TMEM181: variants seen among roughly 807,000 people sequenced by gnomAD.
The protein encoded by TMEM181 is G protein-coupled receptor 178.
In TMEM181, 39 loss-of-function variants were observed where a neutral mutation model predicts 71.9. The observed-to-expected ratio is 0.54, with a 90% confidence interval of 0.42 to 0.71. The LOEUF is 0.71. Ranked by LOEUF, TMEM181 falls within the 30% of genes least tolerant of loss-of-function variation. The pLI, the probability that TMEM181 is intolerant of heterozygous loss-of-function variation, is 0.00. For missense variants in TMEM181, 595 were observed against 583.0 expected, an observed-to-expected ratio of 1.02 and a Z score of -0.21; for synonymous variants, 245 against 228.8, an observed-to-expected ratio of 1.07 and a Z score of -0.64.
chr6:158,626,478 G>T (rs1346644690), intron 13 of TMEM181: 2 of 456,500 alleles, frequency 4.4e-6, no homozygotes, highest in African/African-American at 4.0e-5. Flanking sequence ...TCCTTTATGA[G>T]TGACAAGGGG....
chr6:158,553,847 T>C (rs986556486), intron 1 of TMEM181, among the ~76,000 whole-genome samples: 3 of 152,228 alleles, frequency 2.0e-5, no homozygotes, highest in Admixed American at 6.5e-5. Flanking sequence ...AAACTGTGAC[T>C]GGGTGAAACA....
At chr6:158,547,866 A>G (rs1781583650) in intron 1 of TMEM181, among the ~76,000 whole-genome samples, 5 of 141,986 alleles carry the variant, frequency 3.5e-5, no homozygotes, top group East Asian at 2.1e-4. Flanking sequence ...CGGCCTGGGC[A>G]ACAAGAGCAA....
intron 10 of TMEM181, chr6:158,610,266 C>A: frequency 3.6e-6 from 1 of 275,220 alleles, no homozygotes. Context: ...TTTCCTGACT[C>A]TTATTGTAGT....
chr6:158,611,323 A>T (rs1275727067), intron 10 of TMEM181: 1 of 510,616 alleles, frequency 2.0e-6, no homozygotes, highest in Non-Finnish European at 4.0e-6. Context: ...ACACTCTGCT[A>T]TGCTTGGTTT....
intron 6 of TMEM181, among the ~76,000 whole-genome samples, chr6:158,598,766 C>T (rs1281433047): frequency 1.3e-5 from 2 of 151,798 alleles, no homozygotes; most frequent in Non-Finnish European, 2.9e-5. Flanking sequence ...CTCTGCCTCC[C>T]GGGTTCAGGC....
intron 1 of TMEM181, among the ~76,000 whole-genome samples, chr6:158,537,055 A>G (rs1057310741): frequency 1.3e-5 from 2 of 151,854 alleles, no homozygotes; most frequent in Non-Finnish European, 2.9e-5. Flanking sequence ...GACGGGGAGC[A>G]GGGATACTGG....
intron 1 of TMEM181, among the ~76,000 whole-genome samples, chr6:158,572,624 A>G (rs911750571): frequency 1.3e-5 from 2 of 152,160 alleles, no homozygotes; most frequent in Non-Finnish European, 2.9e-5. Flanking sequence ...AAAGCCTCAC[A>G]TGTACTACCT....
rs79548178 is a variant in TMEM181, at chr6:158,539,419, C to T, written c.131+2554C>T. On this transcript the variant is annotated intron_variant, in intron 1 of 16. Coordinates refer to the TMEM181 transcript ENST00000367090. Reference sequence around the variant, plus strand: ...CTGCTAGTTACAGCTCCGCATCTGTCTAGCTGGAAGGTGAAATTGCTACTG... The same window carrying T: ...CTGCTAGTTACAGCTCCGCATCTGTTTAGCTGGAAGGTGAAATTGCTACTG... 2.7e-3 allele frequency among the ~76,000 whole-genome samples: 409 copies of T among 152,312 alleles called. 1 individual carries two copies. The highest frequency in any genetic ancestry group is 9.4e-3 in the African/African-American group (391 of 41,564).
At position 158,580,611 on chromosome 6, in the gene TMEM181, A is replaced by G. The variant is rs537865209; in HGVS notation, c.113-329A>G. On this transcript the variant is annotated intron_variant, in intron 2 of 16. Transcript: ENST00000684151. Reference sequence around the variant, plus strand: ...ACAGAATATATAAGACAGAGTCTCTATAGTTAATGCCTTCTTGGGCCCATG... The same window carrying G: ...ACAGAATATATAAGACAGAGTCTCTGTAGTTAATGCCTTCTTGGGCCCATG... 2.4e-4 allele frequency among the ~76,000 whole-genome samples: 36 copies of G among 152,344 alleles called. 1 individual carries two copies. In the South Asian group the frequency reaches 5.2e-3, roughly 22 times the overall value.
upstream of TMEM181, among the ~76,000 whole-genome samples, chr6:158,555,629 T>A (rs1453348110): frequency 6.6e-6 from 1 of 152,254 alleles, no homozygotes. Context: ...CATGATGTAA[T>A]TTGTCTATTA....
chr6:158,629,562 C>CT (rs60052779), intron 14 of TMEM181, among the ~76,000 whole-genome samples, 168 bp from the exon 15 acceptor site: 6,643 of 152,152 alleles, frequency 0.044, 330 homozygotes, highest in African/African-American at 0.12. Flanking sequence ...TGACCCCTGG[C>CT]TGTGGGCTTG....
intron 1 of TMEM181, among the ~76,000 whole-genome samples, chr6:158,539,783 G>C (rs1449377418): frequency 6.6e-6 from 1 of 152,208 alleles, no homozygotes; most frequent in Non-Finnish European, 1.5e-5. Flanking sequence ...AAAACAATAG[G>C]CCAGGGATCT....
chr6:158,576,123 G>A (rs1174922074), intron 2 of TMEM181, among the ~76,000 whole-genome samples: 2 of 152,164 alleles, frequency 1.3e-5, no homozygotes, highest in Non-Finnish European at 2.9e-5. Flanking sequence ...TAACTGTTCT[G>A]GAACTCCAGA....
chr6:158,623,467 A>G, intron 10 of TMEM181, 83 bp from the exon 11 acceptor site: 1 of 1,016,824 alleles, frequency 9.8e-7, no homozygotes, highest in East Asian at 2.8e-5. Context: ...AAGTAAAAAA[A>G]ACAAAAAGTC....
rs1446632776 is a variant in TMEM181 at position 158,620,300 on chromosome 6, C to G, written c.897-3250C>G. Among the ~76,000 whole-genome samples the G allele has an allele frequency of 6.6e-6, 1 of 152,118 alleles. No individual in the cohort carries two copies. Among genetic ancestry groups the G allele is most frequent in the Non-Finnish European group, 1.5e-5 (1 of 68,028 alleles). Reference sequence around the variant, plus strand: ...AGAGGACAGTTAAGCTGAGAAGAAACTGGGCGCCCCCAAGATGTCCTCTAG... The same window carrying G: ...AGAGGACAGTTAAGCTGAGAAGAAAGTGGGCGCCCCCAAGATGTCCTCTAG... On this transcript the variant is annotated intron_variant, in intron 10 of 16. Coordinates refer to ENST00000684151, the MANE Select transcript of TMEM181 (RefSeq NM_001376852.1). The surrounding 1 kb of genome is among the most constrained non-coding windows in gnomAD (Gnocchi z 4.5).
At chr6:158,537,426 G>C (rs915439221) in intron 1 of TMEM181, among the ~76,000 whole-genome samples, 1 of 152,228 alleles carries the variant, frequency 6.6e-6, no homozygotes, top group Non-Finnish European at 1.5e-5. Context: ...GCGGGGACAC[G>C]GCGCCTGGGA....
intron 10 of TMEM181, chr6:158,609,779 G>A: frequency 3.9e-6 from 1 of 254,112 alleles, no homozygotes; most frequent in Non-Finnish European, 8.5e-6. Context: ...TTTGACTCTG[G>A]CAGTCTCCAG....
intron 1 of TMEM181, among the ~76,000 whole-genome samples, chr6:158,569,276 C>T (rs1450377541): frequency 6.6e-6 from 1 of 152,218 alleles, no homozygotes; most frequent in East Asian, 1.9e-4. Context: ...GTCCCAGGAC[C>T]CTAGGCCCTC....
chr6:158,606,139 A>G (rs964283447), intron 7 of TMEM181, among the ~76,000 whole-genome samples: 5 of 151,938 alleles, frequency 3.3e-5, no homozygotes, highest in Admixed American at 3.3e-4. Flanking sequence ...TGGGCGCTAG[A>G]GCCACAGGGA....
Sources: gnomAD v4.1 joint callset for allele counts (sites outside exome capture counted in the v4.1 genomes callset) on GRCh38, gnomAD v4.1.1 for gene constraint, Gnocchi (gnomAD v3.1) non-coding constraint, MANE v1.5 for transcripts, NCBI Gene and HGNC (gene_info 2026-07-23, HGNC 2026-07-21) for gene names.